The following MYO3B variants were observed in gnomAD, a reference collection of about 807,000 sequenced individuals.
MYO3B encodes the protein myosin-IIIb.
MYO3B carries 156 observed loss-of-function variants against 174.6 expected under a neutral mutation model. That is an observed-to-expected ratio of 0.89 (90% CI 0.78 to 1.02). The LOEUF is 1.02. Ranked by LOEUF, MYO3B falls within the 50% of genes least tolerant of loss-of-function variation. MYO3B has a pLI of 0.00. For synonymous variants in MYO3B, 563 were observed against 569.1 expected, an observed-to-expected ratio of 0.99 and a Z score of 0.15; for missense variants, 1,632 against 1,639.4, an observed-to-expected ratio of 1.00 and a Z score of 0.08.
chr2:170,397,527 C>A (rs563180505), intron 16 of MYO3B, among the ~76,000 whole-genome samples: 1 of 152,234 alleles, frequency 6.6e-6, no homozygotes, highest in Admixed American at 6.5e-5. Flanking sequence ...TAAGTAAATA[C>A]ACCTTAATTT....
intron 32 of MYO3B, among the ~76,000 whole-genome samples, chr2:170,577,505 G>GC (rs1213968211): frequency 6.6e-6 from 1 of 152,128 alleles, no homozygotes; most frequent in Non-Finnish European, 1.5e-5. Flanking sequence ...TTGCTACCTT[G>GC]CACGTGAAAT....
At position 170,495,011 on chromosome 2, in the gene MYO3B, C is replaced by G. The variant is rs369810547; in HGVS notation, c.3015-3581C>G. 2.4e-4 allele frequency among the ~76,000 whole-genome samples: 37 copies of G among 152,276 alleles called. 1 individual carries two copies. The East Asian group carries it at 5.2e-3, about 21-fold the overall frequency. ...AGTTAGAGACAGAGATCTTCTGACT[C>G]TGAACTCAGTGCTCAGACTCCAATA... On this transcript the variant is annotated intron_variant, in intron 25 of 34. Coordinates refer to ENST00000408978, the MANE Select transcript of MYO3B (RefSeq NM_138995.5).
intron 32 of MYO3B, among the ~76,000 whole-genome samples, chr2:170,584,644 C>A (rs1693382392): frequency 1.3e-5 from 2 of 152,278 alleles, no homozygotes; most frequent in Non-Finnish European, 2.9e-5. Context: ...TTGGATTGGA[C>A]CTTTCGCACT....
chr2:170,299,470 T>C (rs2093650956), intron 7 of MYO3B, among the ~76,000 whole-genome samples: 1 of 152,232 alleles, frequency 6.6e-6, no homozygotes, highest in Admixed American at 6.5e-5. Context: ...TTCTTTTTTT[T>C]TTAGAAGAAA....
At chr2:170,279,854 T>TATATA in intron 7 of MYO3B, among the ~76,000 whole-genome samples, 1 of 152,286 alleles carries the variant, frequency 6.6e-6, no homozygotes, top group East Asian at 1.9e-4. Context: ...GTTTTCTTTA[T>TATATA]CCAGTCTACC....
intron 7 of MYO3B, among the ~76,000 whole-genome samples, chr2:170,311,225 A>G (rs2093737112): frequency 6.6e-6 from 1 of 152,142 alleles, no homozygotes; most frequent in Non-Finnish European, 1.5e-5. Flanking sequence ...GCACCATTTT[A>G]CATCCCTACC....
At chr2:170,272,340 G>C (rs1176589992) in intron 7 of MYO3B, among the ~76,000 whole-genome samples, 1 of 152,086 alleles carries the variant, frequency 6.6e-6, no homozygotes, top group East Asian at 1.9e-4. Context: ...TTCTGTTACT[G>C]CCTTGGTGTA....
At chr2:170,475,280 C>T (rs1685246289) in intron 25 of MYO3B, among the ~76,000 whole-genome samples, 1 of 152,160 alleles carries the variant, frequency 6.6e-6, no homozygotes, top group Admixed American at 6.5e-5. Context: ...AGATAGGGCC[C>T]TGCTCTGCTG....
chr2:170,397,948 G>A (rs527752211), intron 16 of MYO3B, among the ~76,000 whole-genome samples: 3 of 151,994 alleles, frequency 2.0e-5, no homozygotes, highest in East Asian at 1.9e-4. Context: ...TCTGCTGGGC[G>A]TGGTGGCTCA....
intron 8 of MYO3B, among the ~76,000 whole-genome samples, chr2:170,365,001 A>G (rs2094187594): frequency 1.3e-5 from 2 of 152,150 alleles, no homozygotes; most frequent in Non-Finnish European, 2.9e-5. Flanking sequence ...GCTCCCCAGT[A>G]TGACTTCTGC....
chr2:170,362,400 T>C (rs1490066208), intron 8 of MYO3B, among the ~76,000 whole-genome samples: 1 of 152,176 alleles, frequency 6.6e-6, no homozygotes, highest in African/African-American at 2.4e-5. Context: ...AAGATCAGGC[T>C]CACTTGTTTA....
At chr2:170,207,606 G>A (rs1442915302) in intron 3 of MYO3B, among the ~76,000 whole-genome samples, 1 of 151,790 alleles carries the variant, frequency 6.6e-6, no homozygotes, top group Non-Finnish European at 1.5e-5. Context: ...GGATGCATCT[G>A]AGGGGAGTGT....
At chr2:170,418,847 A>T (rs2094597664) in intron 22 of MYO3B, among the ~76,000 whole-genome samples, 1 of 152,136 alleles carries the variant, frequency 6.6e-6, no homozygotes, top group Non-Finnish European at 1.5e-5. Flanking sequence ...CTCATCCCCT[A>T]ATTGGATACT....
chr2:170,386,542 A>G (rs961023978), intron 13 of MYO3B, among the ~76,000 whole-genome samples: 7 of 152,224 alleles, frequency 4.6e-5, no homozygotes, highest in African/African-American at 1.4e-4. Flanking sequence ...ACATTCAGCC[A>G]TTAAGTAGTA....
intron 32 of MYO3B, among the ~76,000 whole-genome samples, chr2:170,610,276 G>T (rs2106360246): frequency 6.6e-6 from 1 of 151,950 alleles, no homozygotes; most frequent in African/African-American, 2.4e-5. Context: ...GGAGGGTGGA[G>T]CTTGCAGTGA....
intron 32 of MYO3B, among the ~76,000 whole-genome samples, chr2:170,592,913 G>GAT (rs1347767653): frequency 1.3e-5 from 2 of 151,686 alleles, no homozygotes; most frequent in Non-Finnish European, 2.9e-5. Flanking sequence ...TTATGAGATA[G>GAT]ATATATATAG....
At chr2:170,645,209 G>A (rs545916144) in intron 32 of MYO3B, among the ~76,000 whole-genome samples, 100 of 152,190 alleles carry the variant, frequency 6.6e-4, no homozygotes, top group Non-Finnish European at 1.3e-3. Context: ...AGTGGCTCAC[G>A]CCTGTAATCC....
chr2:170,651,489 C>A, intron 32 of MYO3B, 139 bp from the exon 33 acceptor site: 1 of 660,412 alleles, frequency 1.5e-6, no homozygotes. Flanking sequence ...GGCATTTCTC[C>A]TAATATTAGT....
chr2:170,340,891 T>C (rs1336396272), intron 8 of MYO3B: 1 of 152,164 alleles, frequency 6.6e-6, no homozygotes, highest in Non-Finnish European at 1.5e-5. Context: ...TGGGGTAGCA[T>C]TTCCTGAACT....
Sources: allele counts gnomAD v4.1 joint callset (sites outside exome capture counted in the v4.1 genomes callset), GRCh38; gene constraint gnomAD v4.1.1; transcripts MANE v1.5; gene names NCBI Gene and HGNC (gene_info 2026-07-23, HGNC 2026-07-21).